The following ABHD2 variants were observed in gnomAD, a reference collection of about 807,000 sequenced individuals.
ABHD2 encodes abhydrolase domain containing 2, acylglycerol lipase.
Under a neutral mutation model 48.1 loss-of-function variants are expected in ABHD2, and 20 were observed. That is an observed-to-expected ratio of 0.42 (90% CI 0.29 to 0.60). The LOEUF (loss-of-function observed/expected upper bound fraction) is 0.60. Ranked by LOEUF, ABHD2 falls within the 20% of genes least tolerant of loss-of-function variation. The probability of loss-of-function intolerance (pLI) is 0.24; values close to 1 mark genes in which losing one functional copy is unlikely to be tolerated. For missense variants in ABHD2, 405 were observed against 550.9 expected, an observed-to-expected ratio of 0.74 and a Z score of 2.65; for synonymous variants, 209 against 214.2, an observed-to-expected ratio of 0.98 and a Z score of 0.21.
In ABHD2 at chr15:89,141,547, C is replaced by T. The variant is rs550936313; in HGVS notation, c.195-10130C>T. ...ACCCAGGAGGCTGAGGTGCGAGAAT[C>T]GCTTGAACCCGGGAGATGGAGGCTG... On this transcript the variant is annotated intron_variant, in intron 3 of 10. Coordinates refer to ENST00000352732, the MANE Select transcript of ABHD2 (RefSeq NM_152924.5). 4.6e-5 allele frequency among the ~76,000 whole-genome samples: 7 copies of T among 152,258 alleles called. No homozygotes were observed. The South Asian group carries it at 6.2e-4, about 14-fold the overall frequency.
the ABHD2 span, among the ~76,000 whole-genome samples, chr15:89,047,712 A>T: frequency 6.6e-6 from 1 of 150,750 alleles, no homozygotes; most frequent in Admixed American, 6.6e-5. Context: ...AGAGCCTAGG[A>T]TTGCAACCCC....
At chr15:89,070,039 C>T in the ABHD2 span, 4 of 152,250 alleles carry the variant, frequency 2.6e-5, no homozygotes, top group African/African-American at 9.6e-5. Context: ...ACAAACATCA[C>T]CAAAATCTCA....
intron 3 of ABHD2, among the ~76,000 whole-genome samples, chr15:89,128,146 A>T (rs1042515413): frequency 6.6e-6 from 1 of 152,200 alleles, no homozygotes; most frequent in African/African-American, 2.4e-5. Flanking sequence ...TGATTGACAG[A>T]GTGAGTAATT....
Position 89,185,882 on chromosome 15 carries a change from G to A in ABHD2, c.815+366G>A, listed in dbSNP as rs562266304. On this transcript the variant is annotated intron_variant, in intron 7 of 10. Transcript: ENST00000352732. This position sits in a 1 kb window ranked among gnomAD's most constrained non-coding sequence, Gnocchi z 5.9. ...CTTGGGAGGCTGAGGCAGGAGAGTCGCTTGAACCCAGGAGGCGGAGGCTGC... is the reference window on the plus strand; with the variant it reads ...CTTGGGAGGCTGAGGCAGGAGAGTCACTTGAACCCAGGAGGCGGAGGCTGC... Among the ~76,000 whole-genome samples the A allele has an allele frequency of 1.3e-5, 2 of 152,098 alleles. No homozygotes were observed. The highest frequency in any genetic ancestry group is 4.8e-5 in the African/African-American group (2 of 41,428).
rs1328579631 is a variant in ABHD2, at chr15:89,137,084, T to G, written c.195-14593T>G. 1.3e-5 allele frequency among the ~76,000 whole-genome samples: 2 copies of G among 152,206 alleles called. No individual in the cohort carries two copies. Among genetic ancestry groups the G allele is most frequent in the Admixed American group, 6.5e-5 (1 of 15,284 alleles). The stretch of plus-strand genomic sequence containing the variant: ...CTCCTAAAGTTAGGTCACTAATCTT[T>G]GACTGGCTGTTTGCAGGACCAGTTC... On this transcript the variant is annotated intron_variant, in intron 3 of 10. Coordinates refer to ENST00000352732, the MANE Select transcript of ABHD2 (RefSeq NM_152924.5). This position sits in a 1 kb window ranked among gnomAD's most constrained non-coding sequence, Gnocchi z 4.8.
At chr15:89,147,415 G>A (rs184440755) in intron 3 of ABHD2, among the ~76,000 whole-genome samples, 2,194 of 142,830 alleles carry the variant, frequency 0.015, 26 homozygotes, top group Middle Eastern at 0.035. Context: ...GTGCAGTGGC[G>A]CGATCTCTGC....
At chr15:89,139,390 C>G (rs1213418195) in intron 3 of ABHD2, among the ~76,000 whole-genome samples, 2 of 152,112 alleles carry the variant, frequency 1.3e-5, no homozygotes, top group African/African-American at 4.8e-5. Flanking sequence ...TTCTATCTCT[C>G]TGACCCCATT....
chr15:89,068,422 G>A, the ABHD2 span, among the ~76,000 whole-genome samples: 3 of 152,176 alleles, frequency 2.0e-5, no homozygotes, highest in African/African-American at 4.8e-5. Flanking sequence ...CTTGAAAGCT[G>A]AGAATGACTC....
Position 89,185,247 on chromosome 15 carries a change from G to A in ABHD2, c.723-177G>A, listed in dbSNP as rs963455811. ...CCTGCGCTGTCTTGGTGTCTCCATA[G>A]ATTTCTCCACAGGTGTTTGAGCTCT... On this transcript the variant is annotated intron_variant, in intron 6 of 10. Coordinates refer to ENST00000352732, the MANE Select transcript of ABHD2 (RefSeq NM_152924.5). The surrounding 1 kb of genome is among the most constrained non-coding windows in gnomAD (Gnocchi z 5.9). Among the ~76,000 whole-genome samples, 1 of 152,210 alleles carries A rather than the reference G, an allele frequency of 6.6e-6. No individual in the cohort carries two copies. The highest frequency in any genetic ancestry group is 2.4e-5 in the African/African-American group (1 of 41,450).
At chr15:89,054,140 G>A in the ABHD2 span, among the ~76,000 whole-genome samples, 2 of 152,082 alleles carry the variant, frequency 1.3e-5, no homozygotes, top group African/African-American at 4.8e-5. Flanking sequence ...TAGCCAACAT[G>A]ATGAAACCCC....
At chr15:89,127,706 C>CAT (rs71464446) in intron 3 of ABHD2, among the ~76,000 whole-genome samples, 49,194 of 129,410 alleles carry the variant, frequency 0.38, 9,645 homozygotes, top group African/African-American at 0.45. Context: ...TATATATATA[C>CAT]ATATATATAT....
At chr15:89,062,475 C>T in the ABHD2 span, among the ~76,000 whole-genome samples, 2 of 151,944 alleles carry the variant, frequency 1.3e-5, no homozygotes, top group African/African-American at 4.8e-5. Context: ...GCCTTGATCT[C>T]CCGGGCTCAA....
chr15:89,140,543 A>G (rs2050385590), intron 3 of ABHD2, among the ~76,000 whole-genome samples: 1 of 152,108 alleles, frequency 6.6e-6, no homozygotes, highest in East Asian at 1.9e-4. Flanking sequence ...TGTACATTTA[A>G]CTTATGCAAA....
chr15:89,191,182 C>G, intron 9 of ABHD2, 33 bp downstream of exon 9: 1 of 1,607,318 alleles, frequency 6.2e-7, no homozygotes, highest in Non-Finnish European at 8.5e-7. Flanking sequence ...GAATCAGCAT[C>G]ACTCCACCCA....
At chr15:89,098,129 C>G (rs1241033240) in intron 1 of ABHD2, among the ~76,000 whole-genome samples, 1 of 152,192 alleles carries the variant, frequency 6.6e-6, no homozygotes, top group Non-Finnish European at 1.5e-5. Context: ...ATCCACCCAC[C>G]TCAGCCTCCC....
In ABHD2 at chr15:89,185,365, C is replaced by T. The variant is rs548424325; in HGVS notation, c.723-59C>T. ...CTCACCCCATGGCTAGAGCCCCCTC[C>T]TGGCTGCCCGCCTGCACCCCCACAC... On this transcript the variant is annotated intron_variant, in intron 6 of 10. Coordinates refer to ENST00000352732, the MANE Select transcript of ABHD2 (RefSeq NM_152924.5). This position sits in a 1 kb window ranked among gnomAD's most constrained non-coding sequence, Gnocchi z 5.9. 7.4e-4 allele frequency: 1,070 copies of T among 1,443,522 alleles called. 1 individual carries two copies. The highest frequency in any genetic ancestry group is 2.0e-3 in the Middle Eastern group (11 of 5,588). The allele number at this position is 1,443,522 out of a possible 1,614,324, so 89.4% of individuals were successfully genotyped here.
chr15:89,193,180 T>C (rs117686793), intron 9 of ABHD2, 55 bp from the exon 10 acceptor site: 314 of 1,540,056 alleles, frequency 2.0e-4, no homozygotes, highest in Non-Finnish European at 2.5e-4. Context: ...CTTGAATCGA[T>C]GGGGTCTGAA....
chr15:89,123,074 T>C (rs1297908108), intron 3 of ABHD2, among the ~76,000 whole-genome samples: 23 of 152,206 alleles, frequency 1.5e-4, no homozygotes, highest in Non-Finnish European at 1.5e-5. Context: ...TAAAAAGAAC[T>C]GGACATTATT....
At chr15:89,149,144 T>A (rs1435232863) in intron 3 of ABHD2, among the ~76,000 whole-genome samples, 1 of 152,038 alleles carries the variant, frequency 6.6e-6, no homozygotes, top group East Asian at 1.9e-4. Context: ...CTTTTGAGAC[T>A]TCCACTGTGT....
Sources: allele counts gnomAD v4.1 joint callset (sites outside exome capture counted in the v4.1 genomes callset), GRCh38; gene constraint gnomAD v4.1.1; non-coding constraint Gnocchi (gnomAD v3.1); transcripts MANE v1.5; gene names NCBI Gene and HGNC (gene_info 2026-07-23, HGNC 2026-07-21).